Variants in CHIC1 observed in about 807,000 individuals in gnomAD.
CHIC1 encodes cysteine rich hydrophobic domain 1, also known as cysteine-rich hydrophobic domain-containing protein 1.
A neutral mutation model predicts 18.5 loss-of-function variants in CHIC1; 7 were observed. The ratio of observed to expected loss-of-function variants is 0.38; its 90% CI spans 0.22 to 0.71. The LOEUF (loss-of-function observed/expected upper bound fraction) is 0.71, where lower values mean the gene tolerates loss of function less well. Ranked by LOEUF, CHIC1 falls within the 30% of genes least tolerant of loss-of-function variation. CHIC1 has a pLI of 0.49. For synonymous variants in CHIC1, 77 were observed against 73.5 expected (o/e 1.05, Z -0.25); for missense variants, 159 against 176.9 (o/e 0.90, Z 0.57).
chrX:73,675,490 C>T (rs1045215539), intron 3 of CHIC1, among the ~76,000 whole-genome samples: 6 of 111,709 alleles, frequency 5.4e-5, no homozygotes, highest in African/African-American at 2.0e-4. Flanking sequence ...ATGTAATGGC[C>T]TTCTTTGTCT....
intron 3 of CHIC1, among the ~76,000 whole-genome samples, chrX:73,665,827 G>A (rs2058001887): frequency 9.0e-6 from 1 of 111,640 alleles, no homozygotes; most frequent in Non-Finnish European, 1.9e-5. Context: ...AGACACCAAG[G>A]AGGGCATCAT....
intron 1 of CHIC1, among the ~76,000 whole-genome samples, chrX:73,574,283 G>T (rs2057485835): frequency 9.0e-6 from 1 of 110,946 alleles, no homozygotes; most frequent in Non-Finnish European, 1.9e-5. Flanking sequence ...AAGGCTGTTT[G>T]ATCGTGGTGA....
In CHIC1 at chrX:73,684,293, A is replaced by C. The variant is rs988345003; in HGVS notation, c.*3288A>C. 4.5e-5 allele frequency: 5 copies of C among 111,391 alleles called. No individual in the cohort carries two copies. Among genetic ancestry groups the C allele is most frequent in the African/African-American group, 6.5e-5 (2 of 30,773 alleles). 9.2% of individuals were successfully genotyped at this position (111,391 alleles called of 1,213,427 possible). On this transcript the variant is annotated 3_prime_UTR_variant, in exon 6 of 6. Coordinates refer to ENST00000373502, the MANE Select transcript of CHIC1 (RefSeq NM_001039840.4). The stretch of plus-strand genomic sequence containing the variant: ...ATTAAAGCCCCACCAAAACCCATTT[A>C]AGTATTTAATGTACATACTATTCAT...
intron 3 of CHIC1, among the ~76,000 whole-genome samples, chrX:73,588,573 T>A (rs2057564882): frequency 9.0e-6 from 1 of 111,215 alleles, no homozygotes; most frequent in Non-Finnish European, 1.9e-5. Flanking sequence ...CTCATTTTCC[T>A]TCCCCTCAGG....
intron 3 of CHIC1, among the ~76,000 whole-genome samples, chrX:73,644,064 T>G (rs1023508692): frequency 8.9e-6 from 1 of 112,215 alleles, no homozygotes; most frequent in African/African-American, 3.2e-5. Flanking sequence ...GTCCTTTCTG[T>G]TTGTTAGTTT....
At chrX:73,627,199 G>A (rs1248002181) in intron 3 of CHIC1, among the ~76,000 whole-genome samples, 2 of 110,087 alleles carry the variant, frequency 1.8e-5, no homozygotes, top group African/African-American at 6.6e-5. Flanking sequence ...AAAGCTGAGA[G>A]TGGAGTGACA....
chrX:73,660,782 A>G (rs1224702876), intron 3 of CHIC1, among the ~76,000 whole-genome samples: 2 of 111,563 alleles, frequency 1.8e-5, no homozygotes, highest in Admixed American at 9.5e-5. Context: ...CTGAGGGGGT[A>G]TGAACACAAG....
chrX:73,577,643 A>C (rs750394544), intron 2 of CHIC1, among the ~76,000 whole-genome samples, 182 bp downstream of exon 2: 1 of 110,251 alleles, frequency 9.1e-6, no homozygotes, highest in African/African-American at 3.3e-5. Context: ...CTGACCAGTT[A>C]TTTTGTTCAT....
intron 1 of CHIC1, among the ~76,000 whole-genome samples, chrX:73,565,544 C>T (rs1353568603): frequency 9.0e-6 from 1 of 111,467 alleles, no homozygotes; most frequent in African/African-American, 3.3e-5. Flanking sequence ...ACTCACTAAC[C>T]ATTGTATATA....
chrX:73,620,040 C>T (rs772602415), intron 3 of CHIC1, among the ~76,000 whole-genome samples: 4 of 111,882 alleles, frequency 3.6e-5, no homozygotes, highest in South Asian at 3.8e-4. Context: ...TGAGCTCATC[C>T]GTTTTTATGG....
intron 2 of CHIC1, among the ~76,000 whole-genome samples, chrX:73,577,957 T>C (rs1198004462): frequency 9.1e-6 from 1 of 109,773 alleles, no homozygotes; most frequent in Non-Finnish European, 1.9e-5. Context: ...CTGGTTCCTC[T>C]ACATTGAGTA....
In CHIC1 at chrX:73,681,805, T is replaced by A. The variant is rs2058100413; in HGVS notation, c.*800T>A. The A allele has an allele frequency of 8.9e-6, 1 of 112,458 alleles. No individual in the cohort carries two copies. The highest frequency in any genetic ancestry group is 1.9e-5 in the Non-Finnish European group (1 of 52,945). 9.3% of individuals were successfully genotyped at this position (112,458 alleles called of 1,213,427 possible). On this transcript the variant is annotated 3_prime_UTR_variant, in exon 6 of 6. Coordinates refer to ENST00000373502, the MANE Select transcript of CHIC1 (RefSeq NM_001039840.4). ...ACAAGTGGACTAAAATTGAAATTAT[T>A]ATCTCAGATATTCTGTATTGCACCT...
chrX:73,671,710 G>A (rs893329016), intron 3 of CHIC1, among the ~76,000 whole-genome samples: 1 of 105,711 alleles, frequency 9.5e-6, no homozygotes, highest in African/African-American at 3.4e-5. Flanking sequence ...TTATATCTCA[G>A]TTTCCTTTTT....
At chrX:73,591,580 C>T (rs1044202524) in intron 3 of CHIC1, among the ~76,000 whole-genome samples, 2 of 111,288 alleles carry the variant, frequency 1.8e-5, no homozygotes, top group Non-Finnish European at 3.8e-5. Flanking sequence ...TAATGAATTT[C>T]ACCTTATTAA....
chrX:73,657,634 A>G (rs2057956985), intron 3 of CHIC1, among the ~76,000 whole-genome samples: 1 of 111,933 alleles, frequency 8.9e-6, no homozygotes, highest in African/African-American at 3.2e-5. Context: ...TAATTGCCCT[A>G]GTCAGAACTT....
chrX:73,623,293 T>C (rs1302741909), intron 3 of CHIC1, among the ~76,000 whole-genome samples: 1 of 110,682 alleles, frequency 9.0e-6, no homozygotes, highest in Non-Finnish European at 1.9e-5. Context: ...TGTTAAAGTC[T>C]CCCATTATTA....
intron 3 of CHIC1, among the ~76,000 whole-genome samples, chrX:73,637,807 A>G (rs2057838009): frequency 9.0e-6 from 1 of 111,547 alleles, no homozygotes; most frequent in African/African-American, 3.3e-5. Flanking sequence ...ACAATATTTA[A>G]GAAAGCTCTT....
intron 3 of CHIC1, among the ~76,000 whole-genome samples, chrX:73,629,968 T>C (rs1001015476): frequency 3.6e-5 from 4 of 112,140 alleles, no homozygotes. Flanking sequence ...TCAATTTCTT[T>C]CATTAGTGTT....
intron 1 of CHIC1, among the ~76,000 whole-genome samples, chrX:73,574,123 G>A (rs765861080): frequency 1.1e-4 from 12 of 110,034 alleles, no homozygotes; most frequent in South Asian, 3.8e-4. Context: ...GTTTGTTGAC[G>A]GTTTTATCAT....
Sources: allele counts gnomAD v4.1 joint callset (sites outside exome capture counted in the v4.1 genomes callset), GRCh38; gene constraint gnomAD v4.1.1; transcripts MANE v1.5; gene names NCBI Gene and HGNC (gene_info 2026-07-23, HGNC 2026-07-21).